The following TBC1D5 variants were observed in gnomAD, a reference collection of about 807,000 sequenced individuals.
TBC1D5 encodes the protein TBC1 domain family, member 5.
A neutral mutation model predicts 100.3 loss-of-function variants in TBC1D5; 75 were observed. The observed-to-expected ratio is 0.75, with a 90% CI of 0.62 to 0.91. The LOEUF is 0.91. Among genes scored for constraint, TBC1D5 ranks in the 40% least tolerant of loss-of-function variants. The probability of loss-of-function intolerance (pLI) is 0.00; values close to 1 mark genes in which losing one functional copy is unlikely to be tolerated. For missense variants in TBC1D5, 910 were observed against 942.4 expected (o/e 0.97, Z 0.45); for synonymous variants, 323 against 325.6 (o/e 0.99, Z 0.09).
chr3:17,621,199 G>A (rs2062627996), intron 2 of TBC1D5, among the ~76,000 whole-genome samples: 1 of 152,134 alleles, frequency 6.6e-6, no homozygotes, highest in Non-Finnish European at 1.5e-5. Flanking sequence ...AAATGCAGAT[G>A]TATGTGTCCA....
chr3:17,261,849 T>C (rs2078328648), intron 15 of TBC1D5, among the ~76,000 whole-genome samples: 1 of 151,276 alleles, frequency 6.6e-6, no homozygotes, highest in Non-Finnish European at 1.5e-5. Context: ...AAAGGAGTTT[T>C]TTTTTTTTTT....
chr3:17,541,583 T>C (rs1243396869), intron 2 of TBC1D5, among the ~76,000 whole-genome samples: 1 of 152,190 alleles, frequency 6.6e-6, no homozygotes, highest in Non-Finnish European at 1.5e-5. Flanking sequence ...GTTTAACACA[T>C]TTTGGGGGAA....
chr3:17,419,265 G>T (rs1044213032), intron 4 of TBC1D5, among the ~76,000 whole-genome samples: 2 of 152,140 alleles, frequency 1.3e-5, no homozygotes, highest in African/African-American at 4.8e-5. Context: ...CTCCATTAAT[G>T]AACTGGTGTT....
intron 14 of TBC1D5, among the ~76,000 whole-genome samples, chr3:17,303,424 T>C (rs765878744): frequency 3.3e-5 from 5 of 152,214 alleles, no homozygotes; most frequent in African/African-American, 7.2e-5. Context: ...TCTTGGTCAC[T>C]CTTTTTCATT....
chr3:17,480,667 TCTCCTCTCCACTGAGAGCTG>T (rs1436507591), intron 3 of TBC1D5, among the ~76,000 whole-genome samples: 1 of 151,842 alleles, frequency 6.6e-6, no homozygotes, highest in Non-Finnish European at 1.5e-5. Context: ...CCACTGCAGC[TCTCCTCTCCACTGAGAGCTG>T]GAGACTCATT....
intron 2 of TBC1D5, among the ~76,000 whole-genome samples, chr3:17,610,023 T>C (rs1226945085): frequency 1.3e-5 from 2 of 152,234 alleles, no homozygotes; most frequent in African/African-American, 2.4e-5. Context: ...CTTCTGTACA[T>C]TCAGATTCAA....
At chr3:17,705,286 G>A (rs1441421191) in intron 1 of TBC1D5, among the ~76,000 whole-genome samples, 2 of 94,188 alleles carry the variant, frequency 2.1e-5, no homozygotes, top group Non-Finnish European at 4.7e-5. Context: ...CGGCTGGCCA[G>A]GCGGGGGGCT....
chr3:17,229,266 T>C (rs1295992895), intron 17 of TBC1D5, among the ~76,000 whole-genome samples: 2 of 152,154 alleles, frequency 1.3e-5, no homozygotes, highest in African/African-American at 4.8e-5. Context: ...GGTCCCTATA[T>C]AGTAACAGTT....
At chr3:17,293,923 AC>A (rs1489156553) in intron 14 of TBC1D5, among the ~76,000 whole-genome samples, 2 of 152,242 alleles carry the variant, frequency 1.3e-5, no homozygotes, top group African/African-American at 4.8e-5. Context: ...TCTTTGTTTT[AC>A]AGATGCAATA....
intron 2 of TBC1D5, among the ~76,000 whole-genome samples, chr3:17,559,082 TTAAA>T (rs10575585): frequency 0.34 from 50,769 of 149,692 alleles, 8,860 homozygotes; most frequent in Middle Eastern, 0.4. Flanking sequence ...TCTCTTTCTC[TTAAA>T]TAAATAAATA....
At chr3:17,234,043 T>C (rs2075659846) in intron 17 of TBC1D5, among the ~76,000 whole-genome samples, 1 of 152,140 alleles carries the variant, frequency 6.6e-6, no homozygotes, top group Admixed American at 6.6e-5. Context: ...TATTTCATGA[T>C]GCTACAAATA....
chr3:17,607,175 C>T (rs1439467337), intron 2 of TBC1D5, among the ~76,000 whole-genome samples: 2 of 151,720 alleles, frequency 1.3e-5, no homozygotes, highest in East Asian at 1.9e-4. Context: ...TCATTATGTA[C>T]AAGAAATTAA....
chr3:17,513,702 T>A (rs893457696), intron 2 of TBC1D5, among the ~76,000 whole-genome samples: 1 of 152,178 alleles, frequency 6.6e-6, no homozygotes, highest in Non-Finnish European at 1.5e-5. Context: ...TACATAAAGA[T>A]TTCTCCTATA....
chr3:17,382,130 A>G (rs2092969964), intron 9 of TBC1D5, among the ~76,000 whole-genome samples: 1 of 152,106 alleles, frequency 6.6e-6, no homozygotes, highest in African/African-American at 2.4e-5. Context: ...AATGATGATG[A>G]TAATAAAAAC....
At chr3:17,504,272 C>G (rs2095818790) in intron 3 of TBC1D5, among the ~76,000 whole-genome samples, 2 of 126,308 alleles carry the variant, frequency 1.6e-5, no homozygotes, top group Non-Finnish European at 3.2e-5. Context: ...ACTCTGGGGA[C>G]TGTTGTGGGG....
At chr3:17,545,127 C>A (rs1206611500) in intron 2 of TBC1D5, among the ~76,000 whole-genome samples, 1 of 151,910 alleles carries the variant, frequency 6.6e-6, no homozygotes, top group Non-Finnish European at 1.5e-5. Context: ...TATTATGACA[C>A]CGAAAAAATC....
intron 15 of TBC1D5, among the ~76,000 whole-genome samples, 183 bp from the exon 16 acceptor site, chr3:17,258,774 ATTAT>A (rs1250798567): frequency 2.6e-5 from 4 of 152,120 alleles, no homozygotes; most frequent in African/African-American, 4.8e-5. Flanking sequence ...AAACACAAAA[ATTAT>A]TTATTTTTTC....
chr3:17,428,453 T>A, exon 4 of TBC1D5: 1 of 1,369,756 alleles, frequency 7.3e-7, no homozygotes, highest in Non-Finnish European at 9.7e-7. Context: ...CACCTACCTA[T>A]AGGAATTAAA....
At chr3:17,444,402 G>A (rs2094735640) in intron 3 of TBC1D5, among the ~76,000 whole-genome samples, 1 of 151,954 alleles carries the variant, frequency 6.6e-6, no homozygotes, top group South Asian at 2.1e-4. Flanking sequence ...TGTATTATAT[G>A]AGCATTTCTC....
Sources: allele counts gnomAD v4.1 joint callset (sites outside exome capture counted in the v4.1 genomes callset), GRCh38; gene constraint gnomAD v4.1.1; transcripts MANE v1.5; gene names NCBI Gene and HGNC (gene_info 2026-07-23, HGNC 2026-07-21).